FARS2: variants seen among roughly 807,000 people sequenced by gnomAD.
The protein encoded by FARS2 is phenylalanyl-tRNA synthetase 2, mitochondrial, also known as phenylalanine--tRNA ligase, mitochondrial.
Under a neutral mutation model 46.4 loss-of-function variants are expected in FARS2, and 40 were observed. The ratio of observed to expected loss-of-function variants is 0.86; its 90% CI spans 0.67 to 1.12. FARS2 has a LOEUF of 1.12. Ranked by LOEUF, FARS2 falls within the 50% of genes most tolerant of loss-of-function variation. The pLI, the probability that FARS2 is intolerant of heterozygous loss-of-function variation, is 0.00. For synonymous variants in FARS2, 234 were observed against 214.9 expected, an observed-to-expected ratio of 1.09 and a Z score of -0.78; for missense variants, 513 against 567.9, an observed-to-expected ratio of 0.90 and a Z score of 0.98.
chr6:5,625,357 C>A (rs1282740149), intron 6 of FARS2, among the ~76,000 whole-genome samples: 1 of 152,202 alleles, frequency 6.6e-6, no homozygotes, highest in Non-Finnish European at 1.5e-5. Context: ...AGGGCCGCGA[C>A]TGACACAGGG....
At chr6:5,556,090 C>T (rs565668301) in intron 5 of FARS2, among the ~76,000 whole-genome samples, 24 of 152,178 alleles carry the variant, frequency 1.6e-4, no homozygotes, top group South Asian at 6.2e-4. Context: ...TGGATGATAG[C>T]GGGTACTGGA....
chr6:5,758,869 G>T (rs1279937095), intron 6 of FARS2, among the ~76,000 whole-genome samples: 1 of 152,252 alleles, frequency 6.6e-6, no homozygotes, highest in Non-Finnish European at 1.5e-5. Flanking sequence ...CTAGTATGTG[G>T]GGTCCTCTTG....
chr6:5,671,249 C>T (rs571375794), intron 6 of FARS2, among the ~76,000 whole-genome samples: 94 of 152,342 alleles, frequency 6.2e-4, no homozygotes, highest in Non-Finnish European at 3.8e-4. Flanking sequence ...ATGAGTACCT[C>T]AGAAAAATGA....
chr6:5,537,878 C>T (rs1770318998), intron 4 of FARS2, among the ~76,000 whole-genome samples: 1 of 152,118 alleles, frequency 6.6e-6, no homozygotes, highest in South Asian at 2.1e-4. Context: ...TTTCTCCTCT[C>T]CTTTTTTTTT....
At position 5,331,351 on chromosome 6, in the gene FARS2, G is replaced by C. The variant is rs181413877; in HGVS notation, c.-21-37199G>C. ...AGATCTTCATAATGAGAGATTAACC[G>C]GAGCCGTGGATCACATCTCTGGGAG... On this transcript the variant is annotated intron_variant, in intron 1 of 6. Transcript: ENST00000274680. 2.0e-4 allele frequency among the ~76,000 whole-genome samples: 30 copies of C among 152,170 alleles called. No homozygotes were observed. In the East Asian group the frequency reaches 2.7e-3, roughly 14 times the overall value.
chr6:5,724,965 G>A (rs1425163280), intron 6 of FARS2, among the ~76,000 whole-genome samples: 1 of 152,222 alleles, frequency 6.6e-6, no homozygotes, highest in Non-Finnish European at 1.5e-5. Flanking sequence ...ACGTAGTGGG[G>A]CAGATGCCAT....
intron 5 of FARS2, among the ~76,000 whole-genome samples, chr6:5,572,186 G>A (rs933523408): frequency 3.9e-5 from 6 of 152,176 alleles, no homozygotes; most frequent in African/African-American, 1.4e-4. Flanking sequence ...TATTCAGGAA[G>A]CATGGTGCTG....
chr6:5,319,963 T>C (rs1354312757), intron 1 of FARS2, among the ~76,000 whole-genome samples: 1 of 151,996 alleles, frequency 6.6e-6, no homozygotes, highest in Non-Finnish European at 1.5e-5. Context: ...GTTTGGAAGA[T>C]TTGCACTCTG....
intron 4 of FARS2, 131 bp downstream of exon 4, chr6:5,431,303 A>AACCCTCCCTTCTCAGGCAGCCCCG: frequency 1.1e-6 from 1 of 892,664 alleles, no homozygotes; most frequent in Non-Finnish European, 1.7e-6. Flanking sequence ...CTCTCTTCAG[A>AACCCTCCCTTCTCAGGCAGCCCCG]TTCCCCTCTA....
chr6:5,359,029 C>T (rs76151442), intron 1 of FARS2, among the ~76,000 whole-genome samples: 3 of 72,514 alleles, frequency 4.1e-5, no homozygotes, highest in South Asian at 6.7e-4. Context: ...GAAAAGATAC[C>T]CTTTTTTTTT....
At chr6:5,547,211 C>T (rs1217198988) in intron 5 of FARS2, among the ~76,000 whole-genome samples, 2 of 152,128 alleles carry the variant, frequency 1.3e-5, no homozygotes, top group East Asian at 1.9e-4. Flanking sequence ...CTTGGCCTCC[C>T]GAAGTGCTGG....
At chr6:5,537,283 C>T (rs1770264543) in intron 4 of FARS2, among the ~76,000 whole-genome samples, 1 of 152,242 alleles carries the variant, frequency 6.6e-6, no homozygotes, top group Non-Finnish European at 1.5e-5. Context: ...CCAGTGCCTT[C>T]CACAGACAGC....
In FARS2 at chr6:5,473,546, A is replaced by AAAAC. The variant is rs1765932535; in HGVS notation, c.904+42377_904+42378insCAAA. Among the ~76,000 whole-genome samples, 4 of 26,760 alleles carry AAAAC rather than the reference A, an allele frequency of 1.5e-4. No individual in the cohort carries two copies. In the South Asian group the frequency reaches 4.3e-3, roughly 29 times the overall value. 17.6% of individuals were successfully genotyped at this position (26,760 alleles called of 152,430 possible). On this transcript the variant is annotated intron_variant, in intron 4 of 6. Coordinates refer to ENST00000274680, the MANE Select transcript of FARS2 (RefSeq NM_006567.5). The stretch of plus-strand genomic sequence containing the variant: ...TGTCTCAAAAAACAAAAAAAAAAAC[A>AAAAC]AAAAAAAAAAACAAAAGAATACCCT...
intron 1 of FARS2, among the ~76,000 whole-genome samples, chr6:5,290,332 C>A (rs755604248): frequency 2.0e-5 from 3 of 152,162 alleles, no homozygotes; most frequent in Non-Finnish European, 4.4e-5. Flanking sequence ...ACAAAGCTGG[C>A]AGGTTCTGTG....
chr6:5,640,950 C>T (rs773400315), intron 6 of FARS2, among the ~76,000 whole-genome samples: 1 of 152,182 alleles, frequency 6.6e-6, no homozygotes. Context: ...ATCAACTCCC[C>T]TCTTATTGAT....
At chr6:5,408,326 G>T (rs180919115) in intron 3 of FARS2, among the ~76,000 whole-genome samples, 175 of 152,250 alleles carry the variant, frequency 1.1e-3, no homozygotes, top group Middle Eastern at 6.8e-3. Flanking sequence ...CTTGGGAAAG[G>T]ATAAGCAAGG....
the FARS2 span, among the ~76,000 whole-genome samples, chr6:5,253,858 T>C: frequency 6.6e-6 from 1 of 151,254 alleles, no homozygotes; most frequent in South Asian, 2.1e-4. Context: ...ACCATCGTTT[T>C]GAAGTGTTGT....
intron 1 of FARS2, among the ~76,000 whole-genome samples, chr6:5,349,545 A>C (rs2127603295): frequency 6.6e-6 from 1 of 152,332 alleles, no homozygotes; most frequent in South Asian, 2.1e-4. Flanking sequence ...GTATATAAAT[A>C]TTTCAGTAAT....
intron 4 of FARS2, among the ~76,000 whole-genome samples, chr6:5,543,945 C>T (rs1770792758): frequency 6.7e-6 from 1 of 150,266 alleles, no homozygotes; most frequent in Non-Finnish European, 1.5e-5. Context: ...CACGAATTGA[C>T]TATATCATAA....
Sources: allele counts gnomAD v4.1 joint callset (sites outside exome capture counted in the v4.1 genomes callset), GRCh38; gene constraint gnomAD v4.1.1; transcripts MANE v1.5; gene names NCBI Gene and HGNC (gene_info 2026-07-23, HGNC 2026-07-21).